Variants in IFNGR2 observed in about 807,000 individuals in gnomAD.
The protein encoded by IFNGR2 is IFN-gamma receptor 2.
A neutral mutation model predicts 41.1 loss-of-function variants in IFNGR2; 15 were observed. That is an observed-to-expected ratio of 0.37 (90% CI 0.24 to 0.56). The LOEUF is 0.56. Among genes scored for constraint, IFNGR2 ranks in the 20% least tolerant of loss-of-function variants. IFNGR2 has a pLI of 0.81. For missense variants in IFNGR2, 362 were observed against 415.7 expected (o/e 0.87, Z 1.12); for synonymous variants, 161 against 171.6 (o/e 0.94, Z 0.48).
At position 33,432,193 on chromosome 21, in the gene IFNGR2, G is replaced by A. The variant is rs778014526; in HGVS notation, c.578G>A (p.Arg193Lys). 1 of 1,614,174 alleles carries A rather than the reference G, an allele frequency of 6.2e-7. No individual in the cohort carries two copies. The highest frequency in any genetic ancestry group is 8.5e-7 in the Non-Finnish European group (1 of 1,179,994). Residue 193 changes from arginine to lysine, a missense_variant, in exon 5 of 7, where the codon AGA (arginine) becomes AAA (lysine). Coordinates refer to ENST00000290219, the MANE Select transcript of IFNGR2 (RefSeq NM_005534.4). ...TTAAAACAGGTCAAAGGCCCTTTCA[G>A]AAGCAACTCCATTTCATTGGATAAC... ...GGIQQVKGPF[R>K]SNSISLDNLK...
At chr21:33,427,162 C>T in intron 4 of IFNGR2, 130 bp downstream of exon 4, 1 of 826,844 alleles carries the variant, frequency 1.2e-6, no homozygotes, top group South Asian at 1.4e-5. Flanking sequence ...AGAGGCTGAG[C>T]CCTGAGCCTG....
chr21:33,430,342 T>TA (rs2083875202), intron 4 of IFNGR2, among the ~76,000 whole-genome samples: 1 of 152,266 alleles, frequency 6.6e-6, no homozygotes. Context: ...TGTCTTCCTC[T>TA]GCCCTGGCAG....
chr21:33,421,410 A>G (rs1335510075), intron 2 of IFNGR2, 70 bp from the exon 3 acceptor site: 2 of 1,253,688 alleles, frequency 1.6e-6, no homozygotes, highest in East Asian at 4.6e-5. Flanking sequence ...GTTTTGAACA[A>G]AAGCTCTGGG....
intron 1 of IFNGR2, chr21:33,410,893 G>C: frequency 2.0e-6 from 3 of 1,537,424 alleles, no homozygotes; most frequent in African/African-American, 1.4e-5. Context: ...GCTACTCATG[G>C]TAAGACAAGA....
intron 4 of IFNGR2, among the ~76,000 whole-genome samples, chr21:33,427,458 GAA>G (rs1264319778): frequency 1.3e-5 from 2 of 152,150 alleles, no homozygotes; most frequent in Non-Finnish European, 2.9e-5. Context: ...AAATCGGGGG[GAA>G]ACAGAGGGAG....
At chr21:33,404,194 T>A (rs2083661552) in intron 1 of IFNGR2, among the ~76,000 whole-genome samples, 1 of 152,254 alleles carries the variant, frequency 6.6e-6, no homozygotes. Context: ...CCCGAAGGCC[T>A]GGCTGGAAGC....
chr21:33,435,230 C>T (rs949291367), intron 6 of IFNGR2, among the ~76,000 whole-genome samples: 1 of 152,078 alleles, frequency 6.6e-6, no homozygotes, highest in African/African-American at 2.4e-5. Context: ...GGCCTAAGGC[C>T]CTCGCTCCCA....
Position 33,403,548 on chromosome 21 carries a change from G to A in IFNGR2, c.5G>A (p.Arg2Gln). The A allele has an allele frequency of 7.5e-7, 1 of 1,325,242 alleles. No homozygotes were observed. Among genetic ancestry groups the A allele is most frequent in the Non-Finnish European group, 9.7e-7 (1 of 1,030,976 alleles). The allele number at this position is 1,325,242 out of a possible 1,614,324, so 82.1% of individuals were successfully genotyped here. The change falls in exon 1 of 7, where the codon CGA becomes CAA. Residue 2 changes from arginine to glutamine, a missense_variant. By Grantham distance (43) the Arg-to-Gln change is conservative. Coordinates refer to ENST00000290219, the MANE Select transcript of IFNGR2 (RefSeq NM_005534.4). MRPTLLWSLLLL... is the reference protein window; with the variant it reads MQPTLLWSLLLL... ...CGCCGCCGAGCGCCCGGGGCCATGC[G>A]ACCGACGCTGCTGTGGTCGCTGCTG...
chr21:33,415,839 T>C (rs17882618), intron 2 of IFNGR2, among the ~76,000 whole-genome samples: 6 of 152,316 alleles, frequency 3.9e-5, no homozygotes, highest in Non-Finnish European at 7.3e-5. Context: ...TGTGTGTGTG[T>C]GTGCACGTGT....
At chr21:33,412,848 C>T (rs1393582186) in intron 1 of IFNGR2, among the ~76,000 whole-genome samples, 1 of 152,214 alleles carries the variant, frequency 6.6e-6, no homozygotes, top group African/African-American at 2.4e-5. Flanking sequence ...AGCCACTGTG[C>T]CCGGCCAGGA....
intron 1 of IFNGR2, among the ~76,000 whole-genome samples, chr21:33,412,810 G>A (rs980987212): frequency 7.2e-5 from 11 of 152,154 alleles, no homozygotes; most frequent in South Asian, 2.1e-4. Flanking sequence ...CCACCTCAGC[G>A]TCCCAAAGTG....
At chr21:33,426,752 AC>A (rs2083839440) in intron 3 of IFNGR2, 131 bp from the exon 4 acceptor site, 2 of 491,736 alleles carry the variant, frequency 4.1e-6, no homozygotes, top group Non-Finnish European at 3.4e-6. Context: ...ATAGATAAAA[AC>A]GTGTGTGTAT....
chr21:33,421,677 A>G lies in IFNGR2; in HGVS notation c.404A>G (p.Tyr135Cys), dbSNP rs2083793857. 1 of 1,612,826 alleles carries G rather than the reference A, an allele frequency of 6.2e-7. No homozygotes were observed. Residue 135 changes from tyrosine (Y) to cysteine (C), a missense_variant, in exon 3 of 7, where the codon TAT (tyrosine) becomes TGT (cysteine). Physicochemically the swap from Tyr to Cys is radical, Grantham distance 194. Transcript: ENST00000290219. ...AWVTMPWFQH[Y>C]RNVTVGPPEN... ...GTGACAATGCCTTGGTTTCAACACT[A>G]TCGGAATGGTAAGAGAACTTGAGTA...
In IFNGR2 at chr21:33,418,708, G is replaced by C. The variant is rs180880167; in HGVS notation, c.207-2772G>C. ...AAGTCTAAATCATGGGTAGCAGACA[G>C]TGGCTGCAGGCTATTTGGCTCCCAG... On this transcript the variant is annotated intron_variant, in intron 2 of 6. Transcript: ENST00000290219. 2.0e-5 allele frequency among the ~76,000 whole-genome samples: 3 copies of C among 152,278 alleles called. No individual in the cohort carries two copies. The East Asian group carries it at 5.8e-4, about 29-fold the overall frequency.
At chr21:33,411,541 CT>C (rs559960487) in intron 1 of IFNGR2, 170 of 470,906 alleles carry the variant, frequency 3.6e-4, no homozygotes, top group African/African-American at 2.9e-3. Flanking sequence ...TGGGAATGTG[CT>C]GCCTGACGTA....
intron 3 of IFNGR2, among the ~76,000 whole-genome samples, chr21:33,423,016 T>C (rs1286182629): frequency 6.6e-6 from 1 of 151,038 alleles, no homozygotes; most frequent in African/African-American, 2.4e-5. Context: ...CATGAGTGTT[T>C]GTTAATGATC....
chr21:33,406,954 A>G (rs2083681877), intron 1 of IFNGR2, among the ~76,000 whole-genome samples: 1 of 152,068 alleles, frequency 6.6e-6, no homozygotes, highest in African/African-American at 2.4e-5. Context: ...TGGCTCCGGA[A>G]ACAGATTTTT....
intron 3 of IFNGR2, among the ~76,000 whole-genome samples, chr21:33,421,957 A>T (rs544395281): frequency 6.6e-6 from 1 of 152,336 alleles, no homozygotes; most frequent in East Asian, 1.9e-4. Context: ...AGTTACATCC[A>T]TCTTTTATTG....
chr21:33,416,682 T>C (rs1160915997), intron 2 of IFNGR2, among the ~76,000 whole-genome samples: 1 of 151,624 alleles, frequency 6.6e-6, no homozygotes, highest in Admixed American at 6.6e-5. Context: ...ATTAGCTGGG[T>C]GTAGTGGCGG....
Sources: gnomAD v4.1 joint callset for allele counts (sites outside exome capture counted in the v4.1 genomes callset) on GRCh38, gnomAD v4.1.1 for gene constraint, MANE v1.5 for transcripts, NCBI Gene and HGNC (gene_info 2026-07-23, HGNC 2026-07-21) for gene names.